Variants in ADCY8 observed in about 807,000 individuals in gnomAD.
The protein encoded by ADCY8 is adenylate cyclase 8, also known as adenylate cyclase type 8.
A neutral mutation model predicts 119.7 loss-of-function variants in ADCY8; 51 were observed. That is an observed-to-expected ratio of 0.43 (90% CI 0.34 to 0.54). The LOEUF is 0.54. ADCY8 is among the 20% of genes least tolerant of loss of function. The pLI is 0.03. For missense variants in ADCY8, 1,383 were observed against 1,598.8 expected, an observed-to-expected ratio of 0.87 and a Z score of 2.30; for synonymous variants, 665 against 651.0, an observed-to-expected ratio of 1.02 and a Z score of -0.33.
intron 15 of ADCY8, among the ~76,000 whole-genome samples, 189 bp downstream of exon 15, chr8:130,800,237 G>A (rs73715585): frequency 0.038 from 5,760 of 151,080 alleles, 374 homozygotes; most frequent in African/African-American, 0.13. Flanking sequence ...CCCAAATAGG[G>A]AAATAATAGC....
chr8:130,954,591 G>T (rs1241527461), intron 2 of ADCY8, among the ~76,000 whole-genome samples: 2 of 152,088 alleles, frequency 1.3e-5, no homozygotes, highest in Non-Finnish European at 2.9e-5. Context: ...AGAAATTCTG[G>T]CCTATCCTGT....
At chr8:130,951,352 T>G (rs1038222886) in intron 3 of ADCY8, among the ~76,000 whole-genome samples, 3 of 152,188 alleles carry the variant, frequency 2.0e-5, no homozygotes, top group African/African-American at 7.2e-5. Flanking sequence ...TAGAGGGCAC[T>G]GATGCATGGA....
chr8:130,799,629 C>A (rs913411651), intron 15 of ADCY8, among the ~76,000 whole-genome samples: 1 of 152,206 alleles, frequency 6.6e-6, no homozygotes, highest in Non-Finnish European at 1.5e-5. Context: ...GCTGGAAATG[C>A]CTGGGAGGCT....
At chr8:130,842,748 T>C (rs1337989556) in intron 11 of ADCY8, among the ~76,000 whole-genome samples, 2 of 151,908 alleles carry the variant, frequency 1.3e-5, no homozygotes, top group African/African-American at 2.4e-5. Context: ...GGTGCATGCC[T>C]GTAGTCCCAG....
intron 2 of ADCY8, among the ~76,000 whole-genome samples, chr8:130,984,243 G>A (rs934249383): frequency 1.3e-5 from 2 of 152,206 alleles, no homozygotes; most frequent in African/African-American, 2.4e-5. Flanking sequence ...GAGACTGCAT[G>A]AGTGGGCTCC....
At chr8:131,032,297 C>T (rs1824020128) in intron 1 of ADCY8, among the ~76,000 whole-genome samples, 1 of 152,116 alleles carries the variant, frequency 6.6e-6, no homozygotes, top group Non-Finnish European at 1.5e-5. Context: ...CAATTAGTAG[C>T]ACTTGAGCTT....
rs1359170040 is a variant in ADCY8 at position 131,039,674 on chromosome 8, G to A, written c.660C>T (p.Thr220=). The stretch of plus-strand genomic sequence containing the variant: ...GGGCGCAGATCACTACCTCAATGCC[G>A]GTGAAGAAGCCCAGCAGGATGCCCT... ...PLKGILLGFF[T]GIEVVICALV... is the part of the protein sequence containing the mutation. The change falls in exon 1 of 18, where the codon ACC becomes ACT. Residue 220 remains threonine, a synonymous_variant. Transcript: ENST00000286355. The A allele has an allele frequency of 1.1e-5, 18 of 1,614,006 alleles. No individual in the cohort carries two copies. The South Asian group carries it at 1.4e-4, about 13-fold the overall frequency.
intron 15 of ADCY8, among the ~76,000 whole-genome samples, chr8:130,796,836 C>A (rs553225848): frequency 6.6e-6 from 1 of 151,074 alleles, no homozygotes; most frequent in Non-Finnish European, 1.5e-5. Context: ...CTCTCCCCTC[C>A]TCCCCATCTA....
chr8:130,993,126 G>T (rs1822653535), intron 1 of ADCY8, among the ~76,000 whole-genome samples: 1 of 152,056 alleles, frequency 6.6e-6, no homozygotes, highest in Non-Finnish European at 1.5e-5. Context: ...TAAAAATTTG[G>T]AAGTGAAAAC....
rs763742381 is a variant in ADCY8, at chr8:131,009,374, T to A, written c.961-18832A>T. 1.2e-4 allele frequency among the ~76,000 whole-genome samples: 18 copies of A among 152,192 alleles called. No homozygotes were observed. The South Asian group carries it at 2.1e-3, about 18-fold the overall frequency. On this transcript the variant is annotated intron_variant, in intron 1 of 17. Transcript: ENST00000286355. Reference sequence around the variant, plus strand: ...GCTTGAGAGAGTGACCAGGTGGAGGTATTTGAATCATGGGGTGGTTTCCCC... The same window carrying A: ...GCTTGAGAGAGTGACCAGGTGGAGGAATTTGAATCATGGGGTGGTTTCCCC...
At chr8:130,816,427 C>CTCTT (rs1816345048) in intron 13 of ADCY8, among the ~76,000 whole-genome samples, 1 of 121,194 alleles carries the variant, frequency 8.3e-6, no homozygotes, top group Non-Finnish European at 1.6e-5. Flanking sequence ...ATTTTTTTTT[C>CTCTT]TTTTTTTTTT....
intron 1 of ADCY8, among the ~76,000 whole-genome samples, chr8:131,006,203 CCT>C (rs1823113834): frequency 6.6e-6 from 1 of 152,162 alleles, no homozygotes; most frequent in Non-Finnish European, 1.5e-5. Flanking sequence ...CTCTATAGCT[CCT>C]GTCAGTTCTT....
At chr8:130,942,890 G>A (rs544801587) in intron 4 of ADCY8, among the ~76,000 whole-genome samples, 1 of 152,302 alleles carries the variant, frequency 6.6e-6, no homozygotes, top group South Asian at 2.1e-4. Context: ...TAAAAACAAA[G>A]CTCTTAAGTT....
At chr8:130,808,202 CAT>C (rs768749863) in intron 14 of ADCY8, among the ~76,000 whole-genome samples, 1 of 152,034 alleles carries the variant, frequency 6.6e-6, no homozygotes, top group Non-Finnish European at 1.5e-5. Context: ...CACAGAAACA[CAT>C]GTTTCAGAGC....
At chr8:130,797,365 C>T (rs1815616212) in intron 15 of ADCY8, among the ~76,000 whole-genome samples, 2 of 152,152 alleles carry the variant, frequency 1.3e-5, no homozygotes, top group Non-Finnish European at 2.9e-5. Context: ...GTTTAAAATA[C>T]AACAAAGCCT....
chr8:130,908,554 A>C (rs922477674), intron 6 of ADCY8, among the ~76,000 whole-genome samples: 2 of 152,242 alleles, frequency 1.3e-5, no homozygotes, highest in African/African-American at 4.8e-5. Flanking sequence ...TAATCTTCAG[A>C]GGAGACCTGT....
At chr8:130,856,767 T>C (rs1046293759) in intron 9 of ADCY8, among the ~76,000 whole-genome samples, 2 of 152,098 alleles carry the variant, frequency 1.3e-5, no homozygotes, top group African/African-American at 4.8e-5. Context: ...ATTCCTTATG[T>C]CTTAGTCTCA....
intron 1 of ADCY8, among the ~76,000 whole-genome samples, chr8:131,003,044 T>TA (rs201465324): frequency 0.022 from 3,353 of 151,930 alleles, 39 homozygotes; most frequent in Non-Finnish European, 0.032. Flanking sequence ...CTACTAAAAA[T>TA]AAAAAAATTA....
chr8:130,910,559 T>G (rs565473210), intron 5 of ADCY8, among the ~76,000 whole-genome samples: 1 of 152,302 alleles, frequency 6.6e-6, no homozygotes, highest in African/African-American at 2.4e-5. Context: ...GACCTACTAC[T>G]TAGAGCTGTG....
Sources: allele counts gnomAD v4.1 joint callset (sites outside exome capture counted in the v4.1 genomes callset), GRCh38; gene constraint gnomAD v4.1.1; transcripts MANE v1.5; gene names NCBI Gene and HGNC (gene_info 2026-07-23, HGNC 2026-07-21).